Variants in SVIL observed in about 807,000 individuals in gnomAD.
The protein encoded by SVIL is archvillin.
SVIL carries 101 observed loss-of-function variants against 240.4 expected under a neutral mutation model. The ratio of observed to expected loss-of-function variants is 0.42; its 90% confidence interval spans 0.36 to 0.50. The LOEUF (loss-of-function observed/expected upper bound fraction) is 0.50. Among genes scored for constraint, SVIL ranks in the 20% least tolerant of loss-of-function variants. The pLI, the probability that SVIL is intolerant of heterozygous loss-of-function variation, is 0.01. For missense variants in SVIL, 2,512 were observed against 2,818.7 expected, an observed-to-expected ratio of 0.89 and a Z score of 2.46; for synonymous variants, 999 against 1,100.0, an observed-to-expected ratio of 0.91 and a Z score of 1.82.
chr10:29,682,701 A>C lies in SVIL; in HGVS notation c.-301+3852T>G, dbSNP rs556534580. On this transcript the variant is annotated intron_variant, in intron 2 of 35. Transcript: ENST00000375400. ...CTTGGTGAAGAAAGAGGAGTATACA[A>C]ATTCTGTTACAATTCAGATATGCTT... Among the ~76,000 whole-genome samples the C allele has an allele frequency of 3.9e-5, 6 of 152,210 alleles. No individual in the cohort carries two copies. The South Asian group carries it at 1.2e-3, about 31-fold the overall frequency.
At chr10:29,714,946 AT>A (rs1245732913) in intron 1 of SVIL, among the ~76,000 whole-genome samples, 1 of 137,706 alleles carries the variant, frequency 7.3e-6, no homozygotes, top group African/African-American at 2.8e-5. Flanking sequence ...CTTGTCTGAA[AT>A]TAAAAAAAAA....
intron 6 of SVIL, among the ~76,000 whole-genome samples, chr10:29,536,804 G>A (rs1018663230): frequency 2.6e-4 from 39 of 150,960 alleles, no homozygotes; most frequent in Admixed American, 5.3e-4. Context: ...CCAGCTACTC[G>A]GGAAGCTGAG....
Position 29,527,056 on chromosome 10 carries a change from A to C in SVIL, c.2247T>G (p.Thr749=), listed in dbSNP as rs1330668715. 6.2e-7 allele frequency: 1 copy of C among 1,613,568 alleles called. No individual in the cohort carries two copies. The highest frequency in any genetic ancestry group is 1.7e-5 in the Admixed American group (1 of 59,962). Residue 749 remains threonine, a splice_region_variant and synonymous_variant, in exon 13 of 38, where the codon ACT becomes ACG. Coordinates refer to ENST00000355867, the MANE Select transcript of SVIL (RefSeq NM_021738.3). The stretch of plus-strand genomic sequence containing the variant: ...CAGAACACGAAGCGGGGATAGGTTC[A>C]CTTTAAAAGCAATTGCCAAAGAGGA... ...ITTEEVVIAA[T]EPIPASCSGG...
intron 1 of SVIL, among the ~76,000 whole-genome samples, chr10:29,624,347 G>C (rs1453637988): frequency 6.6e-6 from 1 of 152,014 alleles, no homozygotes; most frequent in Non-Finnish European, 1.5e-5. Context: ...AGACCAGCCT[G>C]GCCAACATGG....
chr10:29,673,580 G>GA (rs1171648862), intron 2 of SVIL, among the ~76,000 whole-genome samples: 2 of 142,624 alleles, frequency 1.4e-5, no homozygotes, highest in African/African-American at 5.4e-5. Flanking sequence ...GCATTAGGGG[G>GA]GAGAGAGAGA....
chr10:29,491,342 C>T (rs1277367895), intron 21 of SVIL, among the ~76,000 whole-genome samples: 3 of 152,128 alleles, frequency 2.0e-5, no homozygotes, highest in Non-Finnish European at 4.4e-5. Context: ...CTTCCCTCCC[C>T]CCTACCACGC....
intron 18 of SVIL, among the ~76,000 whole-genome samples, chr10:29,495,703 C>T (rs556517421): frequency 4.6e-5 from 7 of 152,246 alleles, no homozygotes; most frequent in East Asian, 3.9e-4. Flanking sequence ...AGGTCTGGAC[C>T]GACTGTGCGT....
At chr10:29,582,164 C>A (rs945752145) in intron 1 of SVIL, among the ~76,000 whole-genome samples, 12 of 152,180 alleles carry the variant, frequency 7.9e-5, no homozygotes, top group Admixed American at 6.5e-4. Flanking sequence ...TGAGCGAATG[C>A]ACCTAAATGC....
intron 2 of SVIL, among the ~76,000 whole-genome samples, chr10:29,667,974 C>G (rs115675579): frequency 3.7e-4 from 57 of 152,246 alleles, no homozygotes; most frequent in African/African-American, 1.2e-3. Context: ...ATAAAATTAT[C>G]TCATGGAATA....
In SVIL at chr10:29,532,730, C is replaced by A. The variant is rs535594629; in HGVS notation, c.1637G>T (p.Arg546Leu). 6.2e-7 allele frequency: 1 copy of A among 1,614,162 alleles called. No individual in the cohort carries two copies. The highest frequency in any genetic ancestry group is 1.1e-5 in the South Asian group (1 of 91,082). Residue 546 changes from arginine to leucine, a missense_variant, in exon 8 of 38, where the codon CGC becomes CTC. Arg to Leu is a moderately radical substitution (Grantham distance 102). Coordinates refer to ENST00000355867, the MANE Select transcript of SVIL (RefSeq NM_021738.3). The stretch of plus-strand genomic sequence containing the variant: ...GGGGCCTGTGAAATCTGACAGAGAG[C>A]GGGTACGGACCTTGCGCTTTTTCGA... ...EASKKRKVRT[R>L]SLSDFTGPPQ...
At chr10:29,536,886 G>A (rs768097549) in intron 6 of SVIL, among the ~76,000 whole-genome samples, 26 of 135,620 alleles carry the variant, frequency 1.9e-4, no homozygotes, top group African/African-American at 7.3e-4. Context: ...ACTCCAGCCC[G>A]GGCGATAACA....
At chr10:29,637,701 C>A (rs1484844460), upstream of SVIL, among the ~76,000 whole-genome samples, 1 of 152,150 alleles carries the variant, frequency 6.6e-6, no homozygotes, top group Non-Finnish European at 1.5e-5. Flanking sequence ...CAATTAGACA[C>A]CCCTAGGCAA....
At chr10:29,542,896 C>G (rs546840992) in intron 6 of SVIL, among the ~76,000 whole-genome samples, 1 of 152,278 alleles carries the variant, frequency 6.6e-6, no homozygotes, top group African/African-American at 2.4e-5. Context: ...CTTTTCCCTT[C>G]CAGTACAATC....
intron 1 of SVIL, among the ~76,000 whole-genome samples, chr10:29,694,731 G>A (rs558183050): frequency 6.6e-6 from 1 of 152,296 alleles, no homozygotes; most frequent in South Asian, 2.1e-4. Flanking sequence ...AAGTGCGTGA[G>A]CCACTGGGCC....
intron 12 of SVIL, among the ~76,000 whole-genome samples, chr10:29,529,441 G>A (rs369946972): frequency 9.2e-5 from 14 of 152,168 alleles, no homozygotes; most frequent in East Asian, 3.9e-4. Flanking sequence ...TCTATTTTCC[G>A]TTGTCAAAGA....
intron 1 of SVIL, among the ~76,000 whole-genome samples, chr10:29,605,044 T>A (rs1956968603): frequency 6.6e-6 from 1 of 152,150 alleles, no homozygotes; most frequent in Non-Finnish European, 1.5e-5. Flanking sequence ...CCTTATGGAG[T>A]TTCTTTATGC....
At chr10:29,568,480 C>G (rs1169207627) in intron 2 of SVIL, among the ~76,000 whole-genome samples, 2 of 152,084 alleles carry the variant, frequency 1.3e-5, no homozygotes, top group Non-Finnish European at 2.9e-5. Context: ...TATAATGAAG[C>G]ACAGATTGAG....
At chr10:29,675,725 C>T (rs957939498) in intron 2 of SVIL, among the ~76,000 whole-genome samples, 8 of 152,136 alleles carry the variant, frequency 5.3e-5, no homozygotes, top group East Asian at 3.8e-4. Context: ...AAAACCATAC[C>T]GTTTCCTCCA....
At chr10:29,488,849 T>G in intron 22 of SVIL, 93 bp from the exon 23 acceptor site, 1 of 1,386,568 alleles carries the variant, frequency 7.2e-7, no homozygotes, top group Non-Finnish European at 9.7e-7. Context: ...ACTCAACACC[T>G]TTGTCTTTTC....
Sources: gnomAD v4.1 joint callset for allele counts (sites outside exome capture counted in the v4.1 genomes callset) on GRCh38, gnomAD v4.1.1 for gene constraint, MANE v1.5 for transcripts, NCBI Gene and HGNC (gene_info 2026-07-23, HGNC 2026-07-21) for gene names.